DLG2: variants seen among roughly 807,000 people sequenced by gnomAD.
DLG2 encodes disks large homolog 2.
DLG2 carries 45 observed loss-of-function variants against 132.5 expected under a neutral mutation model. That is an observed-to-expected ratio of 0.34 (90% CI 0.27 to 0.44). The LOEUF (loss-of-function observed/expected upper bound fraction) is 0.44, where lower values mean the gene tolerates loss of function less well. DLG2 is among the 20% of genes least tolerant of loss of function. DLG2 has a pLI of 1.00. For missense variants in DLG2, 1,045 were observed against 1,196.9 expected, an observed-to-expected ratio of 0.87 and a Z score of 1.87; for synonymous variants, 424 against 419.6, an observed-to-expected ratio of 1.01 and a Z score of -0.13.
chr11:83,827,095 G>A (rs897386768), intron 17 of DLG2, among the ~76,000 whole-genome samples: 1 of 152,084 alleles, frequency 6.6e-6, no homozygotes, highest in African/African-American at 2.4e-5. Flanking sequence ...GGAACGGCAC[G>A]GCAGGTATGG....
chr11:85,030,269 T>A (rs1285175354), intron 6 of DLG2, among the ~76,000 whole-genome samples: 1 of 152,202 alleles, frequency 6.6e-6, no homozygotes, highest in Non-Finnish European at 1.5e-5. Flanking sequence ...TTGCTTCACA[T>A]AGGTTCGCTA....
chr11:84,269,764 T>C (rs1262906976), intron 7 of DLG2, among the ~76,000 whole-genome samples: 2 of 152,202 alleles, frequency 1.3e-5, no homozygotes, highest in Non-Finnish European at 2.9e-5. Context: ...AAGATGAGCA[T>C]AAGAACTGTA....
intron 4 of DLG2, among the ~76,000 whole-genome samples, chr11:85,272,211 T>C (rs2077578620): frequency 6.6e-6 from 1 of 152,144 alleles, no homozygotes; most frequent in Non-Finnish European, 1.5e-5. Context: ...CTCTCTTCTC[T>C]TGCCTCCCAC....
chr11:85,615,200 C>A (rs532089139), intron 2 of DLG2, among the ~76,000 whole-genome samples: 1 of 152,098 alleles, frequency 6.6e-6, no homozygotes, highest in Non-Finnish European at 1.5e-5. Context: ...TGCAAGGCTA[C>A]GCAGCAGTAA....
intron 9 of DLG2, among the ~76,000 whole-genome samples, chr11:84,146,181 A>G (rs79000972): frequency 0.012 from 1,880 of 152,310 alleles, 35 homozygotes; most frequent in African/African-American, 0.043. Context: ...AAAGGAGACT[A>G]TATGTATAAG....
chr11:85,527,024 A>T (rs2074810457), intron 3 of DLG2, among the ~76,000 whole-genome samples: 1 of 152,154 alleles, frequency 6.6e-6, no homozygotes, highest in Admixed American at 6.6e-5. Flanking sequence ...TAGTTTTCCT[A>T]ACTGACATGG....
intron 6 of DLG2, among the ~76,000 whole-genome samples, chr11:84,677,350 A>G (rs1463062469): frequency 1.3e-5 from 2 of 152,082 alleles, no homozygotes; most frequent in African/African-American, 4.8e-5. Context: ...CCTGCTGATT[A>G]TAAAGGATTT....
chr11:85,296,678 C>T, intron 3 of DLG2, among the ~76,000 whole-genome samples: 1 of 150,988 alleles, frequency 6.6e-6, no homozygotes, highest in East Asian at 1.9e-4. Flanking sequence ...TTCCACTGCA[C>T]CAAAAGGATG....
At chr11:83,923,728 C>T (rs986629320) in intron 15 of DLG2, among the ~76,000 whole-genome samples, 5 of 152,090 alleles carry the variant, frequency 3.3e-5, no homozygotes, top group South Asian at 2.1e-4. Flanking sequence ...CTCCCTATCT[C>T]GATAGTCTCA....
chr11:85,395,130 G>A (rs1360152462), intron 3 of DLG2, among the ~76,000 whole-genome samples: 2 of 152,074 alleles, frequency 1.3e-5, no homozygotes, highest in African/African-American at 4.8e-5. Context: ...TTTGGCACTT[G>A]GGGACAACTT....
chr11:83,624,832 C>A (rs928217850), intron 19 of DLG2, among the ~76,000 whole-genome samples: 2 of 152,230 alleles, frequency 1.3e-5, no homozygotes, highest in South Asian at 4.2e-4. Context: ...AAGTATAAAA[C>A]AGAAGTTATA....
intron 3 of DLG2, among the ~76,000 whole-genome samples, chr11:85,315,424 T>A (rs2080594652): frequency 1.3e-5 from 2 of 151,972 alleles, no homozygotes; most frequent in South Asian, 4.1e-4. Flanking sequence ...TATGGTATCA[T>A]AAAAGGCTCA....
chr11:84,606,810 G>A (rs540616922), intron 6 of DLG2, among the ~76,000 whole-genome samples: 194 of 152,172 alleles, frequency 1.3e-3, no homozygotes, highest in Non-Finnish European at 2.3e-3. Flanking sequence ...ACATTGATGC[G>A]TTAAGCTCCT....
At chr11:83,546,479 C>T (rs180938050) in intron 19 of DLG2, among the ~76,000 whole-genome samples, 4 of 152,160 alleles carry the variant, frequency 2.6e-5, no homozygotes, top group Admixed American at 1.3e-4. Context: ...AAGGGTGCTG[C>T]GGAGATACGA....
intron 11 of DLG2, among the ~76,000 whole-genome samples, chr11:83,989,213 T>G (rs1392573166): frequency 2.6e-5 from 4 of 152,126 alleles, no homozygotes; most frequent in Admixed American, 2.0e-4. Context: ...CAGGTAAACT[T>G]TGATGAGCTC....
chr11:85,489,987 A>C (rs2093519924), intron 3 of DLG2, among the ~76,000 whole-genome samples: 1 of 152,150 alleles, frequency 6.6e-6, no homozygotes, highest in Non-Finnish European at 1.5e-5. Flanking sequence ...CAGGAGTTCA[A>C]GACTACCTTG....
chr11:84,228,876 C>T (rs2097049311), intron 8 of DLG2, among the ~76,000 whole-genome samples: 3 of 152,136 alleles, frequency 2.0e-5, no homozygotes, highest in Non-Finnish European at 4.4e-5. Flanking sequence ...CTTCAGTGTG[C>T]CTAAACTGGG....
At position 85,323,202 on chromosome 11, in the gene DLG2, C is replaced by T. The variant is rs80124736; in HGVS notation, c.41-37837G>A. 6.7e-3 allele frequency among the ~76,000 whole-genome samples: 1,021 copies of T among 152,192 alleles called. 11 individuals carry two copies. Among genetic ancestry groups the T allele is most frequent in the African/African-American group, 0.023 (958 of 41,534 alleles). ...CTTTGACCTAATATTAGTATTCTAC[C>T]CTCTTCCAACCATTACTATCACTAA... is the stretch of plus-strand genomic sequence containing the variant. On this transcript the variant is annotated intron_variant, in intron 3 of 27. Transcript: ENST00000376104.
At chr11:83,932,199 C>T (rs1406256110) in intron 14 of DLG2, among the ~76,000 whole-genome samples, 2 of 151,876 alleles carry the variant, frequency 1.3e-5, no homozygotes, top group Non-Finnish European at 2.9e-5. Context: ...GTAAAAATCC[C>T]CTTTCAAGTG....
Sources: gnomAD v4.1 joint callset for allele counts (sites outside exome capture counted in the v4.1 genomes callset) on GRCh38, gnomAD v4.1.1 for gene constraint, MANE v1.5 for transcripts, NCBI Gene and HGNC (gene_info 2026-07-23, HGNC 2026-07-21) for gene names.